PDE5A: variants seen among roughly 807,000 people sequenced by gnomAD.
The protein encoded by PDE5A is phosphodiesterase 5A, also known as cGMP-specific 3',5'-cyclic phosphodiesterase.
A neutral mutation model predicts 110.2 loss-of-function variants in PDE5A; 67 were observed. The observed-to-expected ratio is 0.61, with a 90% CI of 0.50 to 0.75. The LOEUF (loss-of-function observed/expected upper bound fraction) is 0.75, where lower values mean the gene tolerates loss of function less well. PDE5A is among the 30% of genes least tolerant of loss of function. PDE5A has a pLI of 0.00. For missense variants in PDE5A, 862 were observed against 1,045.1 expected, an observed-to-expected ratio of 0.82 and a Z score of 2.42; for synonymous variants, 328 against 351.2, an observed-to-expected ratio of 0.93 and a Z score of 0.74.
chr4:119,618,259 C>T (rs1208197510), intron 1 of PDE5A, among the ~76,000 whole-genome samples: 3 of 152,016 alleles, frequency 2.0e-5, no homozygotes, highest in African/African-American at 4.8e-5. Flanking sequence ...TTTAAGTTAA[C>T]TGAATATTAA....
At position 119,504,592 on chromosome 4, in the gene PDE5A, G is replaced by A. The variant is rs758825212; in HGVS notation, c.2275C>T (p.Leu759=). 1 of 1,611,948 alleles carries A rather than the reference G, an allele frequency of 6.2e-7. No individual in the cohort carries two copies. Among genetic ancestry groups the A allele is most frequent in the Admixed American group, 1.7e-5 (1 of 59,874 alleles). ...GCAGAAAGATCACAAGCTGTCATCA[G>A]CATTGCCCTGTTATGGAAAAAAGAA... ...PHQKELFLAM[L]MTACDLSAIT... Residue 759 remains leucine, a synonymous_variant, in exon 18 of 21, where the codon CTG becomes TTG. Transcript: ENST00000354960.
chr4:119,592,491 G>T (rs1173710757), intron 3 of PDE5A, among the ~76,000 whole-genome samples: 1 of 98,168 alleles, frequency 1.0e-5, no homozygotes, highest in Non-Finnish European at 2.3e-5. Flanking sequence ...AAAAAAAGCT[G>T]TGTTCTGGAA....
chr4:119,521,060 C>G lies in PDE5A; in HGVS notation c.1780G>C (p.Val594Leu), dbSNP rs150334535. 6.2e-7 allele frequency: 1 copy of G among 1,610,568 alleles called. No individual in the cohort carries two copies. The highest frequency in any genetic ancestry group is 1.7e-5 in the Admixed American group (1 of 59,666). The change falls in exon 13 of 21, where the codon GTT becomes CTT. Residue 594 changes from valine (V) to leucine (L), a missense_variant and splice_region_variant. Physicochemically the swap from Val to Leu is conservative, Grantham distance 32. Transcript: ENST00000354960. ...ACACTTAAAATCCATCTGCAAAGAA[C>G]CTTTAGGGAATAAAACATAAGTAGT... The part of the protein sequence containing the change: ...LVQNFQMKHE[V>L]LCRWILSVKK...
chr4:119,628,720 C>G lies in PDE5A; in HGVS notation c.-49G>C. The stretch of plus-strand genomic sequence containing the variant: ...GCTCTCTGGTACTGCTTTTCCACCC[C>G]AGCTGGGGTCCGTCCCTCAGAAGAA... On this transcript the variant is annotated 5_prime_UTR_variant, in exon 1 of 21. Coordinates refer to ENST00000354960, the MANE Select transcript of PDE5A (RefSeq NM_001083.4). The G allele has an allele frequency of 1.3e-6, 2 of 1,599,014 alleles. No individual in the cohort carries two copies. The highest frequency in any genetic ancestry group is 1.7e-6 in the Non-Finnish European group (2 of 1,177,428).
At chr4:119,564,360 C>T (rs1578780243) in intron 5 of PDE5A, among the ~76,000 whole-genome samples, 1 of 152,112 alleles carries the variant, frequency 6.6e-6, no homozygotes, top group South Asian at 2.1e-4. Context: ...GTTTACTTTA[C>T]CAATGCCCTT....
At chr4:119,546,006 A>G (rs1190632670) in intron 9 of PDE5A, among the ~76,000 whole-genome samples, 1 of 152,200 alleles carries the variant, frequency 6.6e-6, no homozygotes, top group Non-Finnish European at 1.5e-5. Context: ...ATATTCAACT[A>G]TAGTGCCTTG....
chr4:119,498,378 G>A lies in PDE5A; in HGVS notation c.*223C>T. ...TATCAATGTGCTAACAGTGGATGTT[G>A]TTGATCCTTTCAGTTCAGTAGCATA... On this transcript the variant is annotated 3_prime_UTR_variant, in exon 21 of 21. Coordinates refer to ENST00000354960, the MANE Select transcript of PDE5A (RefSeq NM_001083.4). The A allele has an allele frequency of 4.1e-6, 2 of 493,330 alleles. No homozygotes were observed. Among genetic ancestry groups the A allele is most frequent in the South Asian group, 3.6e-5 (1 of 28,054 alleles). 30.6% of individuals were successfully genotyped at this position (493,330 alleles called of 1,614,324 possible). A position where few individuals can be genotyped will look rare whatever the true frequency, so the allele number is the denominator to read the frequency against.
intron 3 of PDE5A, among the ~76,000 whole-genome samples, chr4:119,580,877 G>C (rs1030954100): frequency 6.6e-6 from 1 of 152,076 alleles, no homozygotes; most frequent in African/African-American, 2.4e-5. Flanking sequence ...TTCCACCACT[G>C]TTTATGTTCA....
chr4:119,592,700 A>C (rs1283395014), intron 3 of PDE5A, among the ~76,000 whole-genome samples: 3 of 152,110 alleles, frequency 2.0e-5, no homozygotes, highest in Non-Finnish European at 2.9e-5. Context: ...AAAGTTTCAC[A>C]TTTTGGAGCA....
At chr4:119,567,803 CT>C (rs534716218) in intron 3 of PDE5A, among the ~76,000 whole-genome samples, 58 of 152,202 alleles carry the variant, frequency 3.8e-4, no homozygotes, top group Non-Finnish European at 7.2e-4. Context: ...AGTTACTTAC[CT>C]TTTAGTTCCA....
chr4:119,548,677 T>G (rs1019901086), intron 9 of PDE5A: 2 of 152,212 alleles, frequency 1.3e-5, no homozygotes, highest in Non-Finnish European at 1.5e-5. Context: ...TTTGTCTTTC[T>G]TCAGTCAATT....
intron 3 of PDE5A, among the ~76,000 whole-genome samples, chr4:119,593,652 T>C (rs904297231): frequency 6.6e-6 from 1 of 152,210 alleles, no homozygotes; most frequent in African/African-American, 2.4e-5. Context: ...TATATCTTGA[T>C]TGCAGTGGTG....
intron 3 of PDE5A, among the ~76,000 whole-genome samples, chr4:119,570,695 T>A (rs2110512343): frequency 6.6e-6 from 1 of 152,242 alleles, no homozygotes; most frequent in Middle Eastern, 3.4e-3. Context: ...AGGTCATACA[T>A]CAATCCCAAT....
intron 1 of PDE5A, among the ~76,000 whole-genome samples, chr4:119,613,371 C>A (rs952501763): frequency 1.3e-5 from 2 of 151,284 alleles, no homozygotes; most frequent in African/African-American, 4.9e-5. Flanking sequence ...CTTTAATTGT[C>A]TTTTTTTTTC....
At chr4:119,516,752 G>T (rs1339570084) in intron 14 of PDE5A, among the ~76,000 whole-genome samples, 8 of 152,240 alleles carry the variant, frequency 5.3e-5, no homozygotes, top group Middle Eastern at 3.4e-3. Context: ...CAAGTAGCTG[G>T]GACTACAGGC....
chr4:119,532,716 C>T lies in PDE5A; in HGVS notation c.1632+6244G>A, dbSNP rs62319583. Among the ~76,000 whole-genome samples the T allele has an allele frequency of 8.6e-3, 1,312 of 152,114 alleles. 17 individuals are homozygous for T. Among genetic ancestry groups the T allele is most frequent in the Non-Finnish European group, 0.012 (847 of 67,990 alleles). ...TATAATGATCATTTAAAAATTATTA[C>T]GTTTCTAATTTTTAGTGGATGCCTC... On this transcript the variant is annotated intron_variant, in intron 11 of 20. Coordinates refer to ENST00000354960, the MANE Select transcript of PDE5A (RefSeq NM_001083.4).
chr4:119,612,477 T>G (rs1560642528), intron 1 of PDE5A, among the ~76,000 whole-genome samples: 1 of 152,232 alleles, frequency 6.6e-6, no homozygotes, highest in Non-Finnish European at 1.5e-5. Context: ...ACTTTCCATA[T>G]GACTGAAAGC....
At chr4:119,592,677 T>C (rs554709126) in intron 3 of PDE5A, among the ~76,000 whole-genome samples, 2 of 152,222 alleles carry the variant, frequency 1.3e-5, no homozygotes, top group East Asian at 3.9e-4. Flanking sequence ...TTGAGGGTCA[T>C]GTTAGCACTC....
At chr4:119,615,362 C>A (rs1485283844) in intron 1 of PDE5A, among the ~76,000 whole-genome samples, 1 of 151,952 alleles carries the variant, frequency 6.6e-6, no homozygotes, top group Non-Finnish European at 1.5e-5. Context: ...TCTCTTACAC[C>A]CTTAGTACTC....
Sources: allele counts gnomAD v4.1 joint callset (sites outside exome capture counted in the v4.1 genomes callset), GRCh38; gene constraint gnomAD v4.1.1; transcripts MANE v1.5; gene names NCBI Gene and HGNC (gene_info 2026-07-23, HGNC 2026-07-21).